Variants in FEV observed in about 807,000 individuals in gnomAD.
The protein encoded by FEV is FEV transcription factor, ETS family member, also known as protein FEV.
A neutral mutation model predicts 20.5 loss-of-function variants in FEV; 14 were observed. The ratio of observed to expected loss-of-function variants is 0.68; its 90% confidence interval spans 0.45 to 1.07. FEV has a LOEUF of 1.07. Among genes scored for constraint, FEV ranks in the 50% least tolerant of loss-of-function variants. The probability of loss-of-function intolerance (pLI) is 0.00; values close to 1 mark genes in which losing one functional copy is unlikely to be tolerated. For synonymous variants in FEV, 188 were observed against 163.7 expected, an observed-to-expected ratio of 1.15 and a Z score of -1.13; for missense variants, 301 against 345.3, an observed-to-expected ratio of 0.87 and a Z score of 1.02.
Position 218,981,745 on chromosome 2 carries a change from G to T in FEV, c.639C>A (p.Pro213=), listed in dbSNP as rs1945387959. The T allele has an allele frequency of 6.9e-6, 9 of 1,298,388 alleles. No homozygotes were observed. In the South Asian group the frequency reaches 1.3e-4, roughly 19 times the overall value. 80.4% of individuals were successfully genotyped at this position (1,298,388 alleles called of 1,614,324 possible). The change falls in exon 3 of 3, where the codon CCC becomes CCA. Residue 213 remains proline (P), a synonymous_variant. Transcript: ENST00000295727. This position sits in a 1 kb window ranked among gnomAD's most constrained non-coding sequence, Gnocchi z 4.5. ...CGGGCGGGGGCTGCAAGCTGGGACT[G>T]GGGTAGAGCGCGGCGGTGGCGGCGG... ...TAAAATAALY[P]SPSLQPPPGP...
chr2:218,981,660 G>A lies in FEV; in HGVS notation c.*7C>T. On this transcript the variant is annotated 3_prime_UTR_variant, in exon 3 of 3. Transcript: ENST00000295727. The surrounding 1 kb of genome is among the most constrained non-coding windows in gnomAD (Gnocchi z 4.5). Reference sequence around the variant, plus strand: ...CGGGCGAGGCCGCAGGCACCCGACCGCCCCGTCTAGTGGTAATGGCCCCCC... The same window carrying A: ...CGGGCGAGGCCGCAGGCACCCGACCACCCCGTCTAGTGGTAATGGCCCCCC... 7.7e-7 allele frequency: 1 copy of A among 1,305,214 alleles called. No homozygotes were observed. The highest frequency in any genetic ancestry group is 9.7e-7 in the Non-Finnish European group (1 of 1,032,506). The allele number at this position is 1,305,214 out of a possible 1,614,324, so 80.9% of individuals were successfully genotyped here. A position where few individuals can be genotyped will look rare whatever the true frequency, so the allele number is the denominator to read the frequency against.
rs1417872761 is a variant in FEV at position 218,984,933 on chromosome 2, C to A, written c.52+91G>T. 3 of 1,211,046 alleles carry A rather than the reference C, an allele frequency of 2.5e-6. No homozygotes were observed. The highest frequency in any genetic ancestry group is 1.5e-5 in the African/African-American group (1 of 66,366). 75.0% of individuals were successfully genotyped at this position (1,211,046 alleles called of 1,614,324 possible). A position where few individuals can be genotyped will look rare whatever the true frequency, so the allele number is the denominator to read the frequency against. ...CCCGAATCTCCGGACACTTCTCCTT[C>A]CCCTGGACCCCAGCACTCTCTTCCC... On this transcript the variant is annotated intron_variant, in intron 1 of 2. Transcript: ENST00000295727. The surrounding 1 kb of genome is among the most constrained non-coding windows in gnomAD (Gnocchi z 5.0).
At position 218,984,298 on chromosome 2, in the gene FEV, G is replaced by T; in HGVS notation, c.60C>A (p.Val20=). 2 of 1,594,730 alleles carry T rather than the reference G, an allele frequency of 1.3e-6. No homozygotes were observed. The highest frequency in any genetic ancestry group is 1.1e-5 in the South Asian group (1 of 88,210). Residue 20 remains valine (V), a synonymous_variant, in exon 2 of 3, where the codon GTC becomes GTA. Transcript: ENST00000295727. This position sits in a 1 kb window ranked among gnomAD's most constrained non-coding sequence, Gnocchi z 5.0. The part of the protein sequence containing the change: ...LLINMYLPDP[V]GDGLFKDGKN... ...TCCCGTCCTTGAAGAGACCGTCTCC[G>T]ACGGGATCTGCAAGCAGCAGAAGAA...
rs1390694341 is a variant in FEV, at chr2:218,981,754, C to CGCGGCGGTGGCGGCG, written c.615_629dup (p.Ala206_Ala210dup). On this transcript the variant is annotated inframe_insertion, in exon 3 of 3. Transcript: ENST00000295727. This position sits in a 1 kb window ranked among gnomAD's most constrained non-coding sequence, Gnocchi z 4.5. Reference sequence around the variant, plus strand: ...GCTGCAAGCTGGGACTGGGGTAGAGCGCGGCGGTGGCGGCGGCAGCGGTGG... The same window carrying CGCGGCGGTGGCGGCG: ...GCTGCAAGCTGGGACTGGGGTAGAGCGCGGCGGTGGCGGCGGCGGCGGTGGCGGCGGCAGCGGTGG... 4 of 1,284,318 alleles carry CGCGGCGGTGGCGGCG rather than the reference C, an allele frequency of 3.1e-6. No individual in the cohort carries two copies. Among genetic ancestry groups the CGCGGCGGTGGCGGCG allele is most frequent in the Non-Finnish European group, 3.9e-6 (4 of 1,023,860 alleles). The allele number at this position is 1,284,318 out of a possible 1,614,324, so 79.6% of individuals were successfully genotyped here. A position where few individuals can be genotyped will look rare whatever the true frequency, so the allele number is the denominator to read the frequency against.
chr2:218,984,244 G>C lies in FEV; in HGVS notation c.114C>G (p.Pro38=), dbSNP rs1356787537. The C allele has an allele frequency of 6.3e-7, 1 of 1,598,648 alleles. No individual in the cohort carries two copies. The highest frequency in any genetic ancestry group is 8.5e-7 in the Non-Finnish European group (1 of 1,172,986). Residue 38 remains proline, a synonymous_variant, in exon 2 of 3, where the codon CCC becomes CCG. Coordinates refer to ENST00000295727, the MANE Select transcript of FEV (RefSeq NM_017521.3). The surrounding 1 kb of genome is among the most constrained non-coding windows in gnomAD (Gnocchi z 5.0). Reference sequence around the variant, plus strand: ...CGGCCATCTCACCTTTCTGAACCGCGGGGCTCAGCGGCCCCCAGCTCGGGT... The same window carrying C: ...CGGCCATCTCACCTTTCTGAACCGCCGGGCTCAGCGGCCCCCAGCTCGGGT... ...GKNPSWGPLS[P]AVQKGSGQIQ...
intron 2 of FEV, among the ~76,000 whole-genome samples, chr2:218,982,912 T>C (rs1036139752): frequency 6.6e-6 from 1 of 152,226 alleles, no homozygotes; most frequent in South Asian, 2.1e-4. Flanking sequence ...TGGCCCCCTA[T>C]ACGTGACAGG....
Position 218,984,420 on chromosome 2 carries a change from G to T in FEV, c.53-115C>A. On this transcript the variant is annotated intron_variant, in intron 1 of 2. Coordinates refer to ENST00000295727, the MANE Select transcript of FEV (RefSeq NM_017521.3). The surrounding 1 kb of genome is among the most constrained non-coding windows in gnomAD (Gnocchi z 5.0). The stretch of plus-strand genomic sequence containing the variant: ...TGCTGTGGTCCCCAGGCGCGAGGCT[G>T]GGGGCCCGGGCCACCCGGCTCCTCC... The T allele has an allele frequency of 9.8e-7, 1 of 1,018,022 alleles. No homozygotes were observed. Among genetic ancestry groups the T allele is most frequent in the South Asian group, 1.9e-5 (1 of 51,300 alleles). 63.1% of individuals were successfully genotyped at this position (1,018,022 alleles called of 1,614,324 possible). A position where few individuals can be genotyped will look rare whatever the true frequency, so the allele number is the denominator to read the frequency against.
At position 218,984,413 on chromosome 2, in the gene FEV, CGAGG is replaced by C; in HGVS notation, c.53-112_53-109del. On this transcript the variant is annotated intron_variant, in intron 1 of 2. Transcript: ENST00000295727. The surrounding 1 kb of genome is among the most constrained non-coding windows in gnomAD (Gnocchi z 5.0). The stretch of plus-strand genomic sequence containing the variant: ...AGGGGGGTGCTGTGGTCCCCAGGCG[CGAGG>C]CTGGGGGCCCGGGCCACCCGGCTCC... 4 of 1,123,648 alleles carry C rather than the reference CGAGG, an allele frequency of 3.6e-6. No homozygotes were observed. The highest frequency in any genetic ancestry group is 4.9e-6 in the Non-Finnish European group (4 of 812,950). The allele number at this position is 1,123,648 out of a possible 1,614,324, so 69.6% of individuals were successfully genotyped here.
Position 218,981,341 on chromosome 2 carries a change from G to C in FEV, c.*326C>G. On this transcript the variant is annotated 3_prime_UTR_variant, in exon 3 of 3. Coordinates refer to ENST00000295727, the MANE Select transcript of FEV (RefSeq NM_017521.3). This position sits in a 1 kb window ranked among gnomAD's most constrained non-coding sequence, Gnocchi z 4.5. ...GTAGTGATATTGAATGGGGCTTCTA[G>C]GAGCCAGGCGGAAATGCACTGGAGT... The C allele has an allele frequency of 6.8e-6, 2 of 296,188 alleles. No individual in the cohort carries two copies. Among genetic ancestry groups the C allele is most frequent in the South Asian group, 1.6e-4 (1 of 6,178 alleles). The allele number at this position is 296,188 out of a possible 1,614,324, so 18.3% of individuals were successfully genotyped here. A position where few individuals can be genotyped will look rare whatever the true frequency, so the allele number is the denominator to read the frequency against.
chr2:218,982,370 G>C, intron 2 of FEV, 114 bp from the exon 3 acceptor site: 1 of 962,812 alleles, frequency 1.0e-6, no homozygotes, highest in South Asian at 1.7e-5. Context: ...GGGAGGAAAA[G>C]TGCAAGTCAA....
intron 2 of FEV, among the ~76,000 whole-genome samples, chr2:218,983,916 G>A (rs1247468537): frequency 6.6e-6 from 1 of 152,186 alleles, no homozygotes; most frequent in Non-Finnish European, 1.5e-5. Flanking sequence ...GCGGCCTTGA[G>A]CTCCTACTAC....
chr2:218,984,953 C>T lies in FEV; in HGVS notation c.52+71G>A. The T allele has an allele frequency of 2.2e-6, 3 of 1,393,684 alleles. No individual in the cohort carries two copies. The highest frequency in any genetic ancestry group is 3.0e-6 in the Non-Finnish European group (3 of 1,003,460). The allele number at this position is 1,393,684 out of a possible 1,614,324, so 86.3% of individuals were successfully genotyped here. ...TCCTTCCCCTGGACCCCAGCACTCT[C>T]TTCCCATGCCTGAGCCTAGACTTCC... is the stretch of plus-strand genomic sequence containing the variant. On this transcript the variant is annotated intron_variant, in intron 1 of 2. Transcript: ENST00000295727. The surrounding 1 kb of genome is among the most constrained non-coding windows in gnomAD (Gnocchi z 5.0).
Position 218,981,714 on chromosome 2 carries a change from AG to A in FEV, c.669del (p.Phe224SerfsTer135). On this transcript the variant is annotated frameshift_variant, in exon 3 of 3. Coordinates refer to ENST00000295727, the MANE Select transcript of FEV (RefSeq NM_017521.3). LOFTEE classifies it high-confidence loss of function. The surrounding 1 kb of genome is among the most constrained non-coding windows in gnomAD (Gnocchi z 4.5). The stretch of plus-strand genomic sequence containing the variant: ...TGCGAGGCTGCGGCCACGGCCCCGA[AG>A]GGCCCGGGCGGGGGCTGCAAGCTGG... ...PSPSLQPPPG[P>X]FGAVAAASHL... The A allele has an allele frequency of 7.5e-7, 1 of 1,340,266 alleles. No homozygotes were observed. Among genetic ancestry groups the A allele is most frequent in the Non-Finnish European group, 9.5e-7 (1 of 1,052,136 alleles). The allele number at this position is 1,340,266 out of a possible 1,614,324, so 83.0% of individuals were successfully genotyped here.
chr2:218,984,948 ACT>A lies in FEV; in HGVS notation c.52+74_52+75del. On this transcript the variant is annotated intron_variant, in intron 1 of 2. Coordinates refer to ENST00000295727, the MANE Select transcript of FEV (RefSeq NM_017521.3). The surrounding 1 kb of genome is among the most constrained non-coding windows in gnomAD (Gnocchi z 5.0). ...ACTTCTCCTTCCCCTGGACCCCAGC[ACT>A]CTCTTCCCATGCCTGAGCCTAGACT... 1.5e-6 allele frequency: 2 copies of A among 1,332,434 alleles called. No individual in the cohort carries two copies. The highest frequency in any genetic ancestry group is 2.1e-6 in the Non-Finnish European group (2 of 947,980). 82.5% of individuals were successfully genotyped at this position (1,332,434 alleles called of 1,614,324 possible).
In FEV at chr2:218,981,955, A is replaced by C; in HGVS notation, c.429T>G (p.His143Gln). 1.3e-6 allele frequency: 2 copies of C among 1,544,482 alleles called. No individual in the cohort carries two copies. The highest frequency in any genetic ancestry group is 1.7e-6 in the Non-Finnish European group (2 of 1,150,520). ...CGGCGGCAGCAGCTGCGGCGGCGGCATGAGCGTGCGCGGGCGGCGGCTGGC... is the reference window on the plus strand; with the variant it reads ...CGGCGGCAGCAGCTGCGGCGGCGGCCTGAGCGTGCGCGGGCGGCGGCTGGC... ...QACQPPPAHA[H>Q]AAAAAAAAAA... Residue 143 changes from histidine (H) to glutamine (Q), a missense_variant, in exon 3 of 3, where the codon CAT becomes CAG. Physicochemically the swap from His to Gln is conservative, Grantham distance 24. Coordinates refer to ENST00000295727, the MANE Select transcript of FEV (RefSeq NM_017521.3). This position sits in a 1 kb window ranked among gnomAD's most constrained non-coding sequence, Gnocchi z 4.5.
At position 218,982,111 on chromosome 2, in the gene FEV, C is replaced by G. The variant is rs1461795744; in HGVS notation, c.273G>C (p.Lys91Asn). ...TGTCGTAGTTCATGTTGGGCTTGCTCTTGCGCTCGCCCCACCGCCGCGCCA... is the reference window on the plus strand; with the variant it reads ...TGTCGTAGTTCATGTTGGGCTTGCTGTTGCGCTCGCCCCACCGCCGCGCCA... ...DEVARRWGER[K>N]SKPNMNYDKL... Residue 91 changes from lysine to asparagine, a missense_variant, in exon 3 of 3, where the codon AAG becomes AAC. Physicochemically the swap from Lys to Asn is moderately conservative, Grantham distance 94. Coordinates refer to ENST00000295727, the MANE Select transcript of FEV (RefSeq NM_017521.3). 6.2e-7 allele frequency: 1 copy of G among 1,613,772 alleles called. No individual in the cohort carries two copies. Among genetic ancestry groups the G allele is most frequent in the Non-Finnish European group, 8.5e-7 (1 of 1,179,872 alleles).
In FEV at chr2:218,985,086, G is replaced by A. The variant is rs1246562949; in HGVS notation, c.-11C>T. ...GCCGCTCTGTCTCATCGCCGCCGGG[G>A]ACTGGGCGGTGGGAGATGGGGGGGA... On this transcript the variant is annotated 5_prime_UTR_variant, in exon 1 of 3. Transcript: ENST00000295727. 5 of 1,546,064 alleles carry A rather than the reference G, an allele frequency of 3.2e-6. No individual in the cohort carries two copies. Among genetic ancestry groups the A allele is most frequent in the Admixed American group, 3.9e-5 (2 of 51,364 alleles).
Position 218,981,757 on chromosome 2 carries a change from G to T in FEV, c.627C>A (p.Ala209=). ...GCAAGCTGGGACTGGGGTAGAGCGCGGCGGTGGCGGCGGCAGCGGTGGCGG... is the reference window on the plus strand; with the variant it reads ...GCAAGCTGGGACTGGGGTAGAGCGCTGCGGTGGCGGCGGCAGCGGTGGCGG... ...GPAATAAAAT[A]ALYPSPSLQP... The change falls in exon 3 of 3, where the codon GCC becomes GCA. Residue 209 remains alanine (A), a synonymous_variant. Coordinates refer to ENST00000295727, the MANE Select transcript of FEV (RefSeq NM_017521.3). This position sits in a 1 kb window ranked among gnomAD's most constrained non-coding sequence, Gnocchi z 4.5. 1 of 1,276,464 alleles carries T rather than the reference G, an allele frequency of 7.8e-7. No individual in the cohort carries two copies. The highest frequency in any genetic ancestry group is 9.8e-7 in the Non-Finnish European group (1 of 1,019,058). 79.1% of individuals were successfully genotyped at this position (1,276,464 alleles called of 1,614,324 possible). A position where few individuals can be genotyped will look rare whatever the true frequency, so the allele number is the denominator to read the frequency against.
Position 218,981,889 on chromosome 2 carries a change from G to T in FEV, c.495C>A (p.Ala165=). The T allele has an allele frequency of 2.4e-6, 3 of 1,241,606 alleles. No individual in the cohort carries two copies. Among genetic ancestry groups the T allele is most frequent in the Non-Finnish European group, 3.0e-6 (3 of 996,454 alleles). 76.9% of individuals were successfully genotyped at this position (1,241,606 alleles called of 1,614,324 possible). ...CGGGGAAGGGCAGCGGGGCGAGGCCGGCGGGCAGCTTGTAGAGCGCGCCGT... is the reference window on the plus strand; with the variant it reads ...CGGGGAAGGGCAGCGGGGCGAGGCCTGCGGGCAGCTTGTAGAGCGCGCCGT... The part of the protein sequence containing the change: ...AQDGALYKLP[A]GLAPLPFPGL... The change falls in exon 3 of 3, where the codon GCC becomes GCA. Residue 165 remains alanine (A), a synonymous_variant. Coordinates refer to ENST00000295727, the MANE Select transcript of FEV (RefSeq NM_017521.3). This position sits in a 1 kb window ranked among gnomAD's most constrained non-coding sequence, Gnocchi z 4.5.
Sources: gnomAD v4.1 joint callset for allele counts (sites outside exome capture counted in the v4.1 genomes callset) on GRCh38, gnomAD v4.1.1 for gene constraint, Gnocchi (gnomAD v3.1) non-coding constraint, MANE v1.5 for transcripts, NCBI Gene and HGNC (gene_info 2026-07-23, HGNC 2026-07-21) for gene names.